Variants in CDIN1 observed in about 807,000 individuals in gnomAD.
The protein encoded by CDIN1 is CDAN1 interacting nuclease 1, also known as CDAN1-interacting nuclease 1.
A neutral mutation model predicts 45.3 loss-of-function variants in CDIN1; 33 were observed. The observed-to-expected ratio is 0.73, with a 90% CI of 0.55 to 0.97. The LOEUF (loss-of-function observed/expected upper bound fraction) is 0.97. CDIN1 is among the 50% of genes least tolerant of loss of function. The probability of loss-of-function intolerance (pLI) is 0.00; values close to 1 mark genes in which losing one functional copy is unlikely to be tolerated. For missense variants in CDIN1, 303 were observed against 339.4 expected (o/e 0.89, Z 0.84); for synonymous variants, 118 against 124.4 (o/e 0.95, Z 0.34).
intron 10 of CDIN1, among the ~76,000 whole-genome samples, chr15:36,770,888 G>A (rs1028889880): frequency 6.6e-6 from 1 of 152,206 alleles, no homozygotes; most frequent in Non-Finnish European, 1.5e-5. Context: ...TAAAAATGCT[G>A]CTGCCCAGCG....
chr15:36,671,034 CTG>C lies in CDIN1; in HGVS notation c.346+13133_346+13134del, dbSNP rs553803813. ...TTAATAGTATCCAGCAGCATTTCCT[CTG>C]TGTTTTTGTTTGTCTCTAGTTGTAT... On this transcript the variant is annotated intron_variant, in intron 5 of 10. Coordinates refer to ENST00000566621, the MANE Select transcript of CDIN1 (RefSeq NM_001321759.2). 5.7e-4 allele frequency among the ~76,000 whole-genome samples: 87 copies of C among 152,234 alleles called. 1 individual carries two copies. The highest frequency in any genetic ancestry group is 1.9e-3 in the African/African-American group (78 of 41,552).
intron 1 of CDIN1, among the ~76,000 whole-genome samples, chr15:36,586,192 G>T (rs923503566): frequency 2.1e-5 from 3 of 140,244 alleles, no homozygotes; most frequent in East Asian, 2.1e-4. Flanking sequence ...TTACCTTTGA[G>T]TTTTTTTTTT....
intron 7 of CDIN1, among the ~76,000 whole-genome samples, chr15:36,695,652 G>A (rs965147828): frequency 7.9e-5 from 12 of 152,114 alleles, no homozygotes; most frequent in Non-Finnish European, 1.2e-4. Context: ...TTTGAGACCA[G>A]CGTGGCCTAC....
chr15:36,757,838 T>C (rs1805612837), intron 10 of CDIN1, among the ~76,000 whole-genome samples: 2 of 152,140 alleles, frequency 1.3e-5, no homozygotes, highest in African/African-American at 4.8e-5. Context: ...CATCTCATCA[T>C]GTGGACATTT....
intron 10 of CDIN1, among the ~76,000 whole-genome samples, chr15:36,728,491 G>A (rs2043720975): frequency 1.3e-5 from 2 of 151,634 alleles, no homozygotes; most frequent in Non-Finnish European, 1.5e-5. Context: ...TTCATCAGAG[G>A]AATGGGAGGA....
At chr15:36,783,211 C>T (rs576594451) in intron 10 of CDIN1, among the ~76,000 whole-genome samples, 61 of 152,270 alleles carry the variant, frequency 4.0e-4, no homozygotes, top group Middle Eastern at 3.4e-3. Context: ...GTGCACTTTT[C>T]TTGCTAGAAA....
At chr15:36,747,068 G>C (rs916526224) in intron 10 of CDIN1, 5 of 393,702 alleles carry the variant, frequency 1.3e-5, no homozygotes, top group Non-Finnish European at 2.2e-5. Context: ...TATGAAATGT[G>C]TTTGTAAATA....
rs2055338667 is a variant in CDIN1, at chr15:36,809,697, G to A, written c.*1244G>A. 1 of 152,062 alleles carries A rather than the reference G, an allele frequency of 6.6e-6. No homozygotes were observed. The highest frequency in any genetic ancestry group is 1.9e-4 in the East Asian group (1 of 5,192). The allele number at this position is 152,062 out of a possible 1,614,324, so 9.4% of individuals were successfully genotyped here. Reference sequence around the variant, plus strand: ...TTATAATGTTGAATAGATGATATGGGAAATACTAATAACAACAATGTAATT... The same window carrying A: ...TTATAATGTTGAATAGATGATATGGAAAATACTAATAACAACAATGTAATT... On this transcript the variant is annotated 3_prime_UTR_variant, in exon 11 of 11. Coordinates refer to ENST00000566621, the MANE Select transcript of CDIN1 (RefSeq NM_001321759.2).
chr15:36,670,689 C>T (rs2041417656), intron 5 of CDIN1, among the ~76,000 whole-genome samples: 1 of 152,110 alleles, frequency 6.6e-6, no homozygotes, highest in Admixed American at 6.5e-5. Flanking sequence ...GTAAGAATTT[C>T]CTATAGCCTT....
intron 10 of CDIN1, among the ~76,000 whole-genome samples, chr15:36,794,205 C>T (rs59702636): frequency 9.9e-4 from 150 of 151,438 alleles, no homozygotes; most frequent in African/African-American, 3.6e-3. Flanking sequence ...ACTACAGGCG[C>T]CCGCCACCAC....
At chr15:36,781,224 G>A (rs979760181) in intron 10 of CDIN1, among the ~76,000 whole-genome samples, 4 of 152,232 alleles carry the variant, frequency 2.6e-5, no homozygotes, top group Middle Eastern at 3.4e-3. Flanking sequence ...CTTTTTGAGA[G>A]GGCAGCTATG....
rs1036168074 is a variant in CDIN1, at chr15:36,701,976, G to A, written c.544+4586G>A. The A allele has an allele frequency of 2.0e-5, 14 of 697,000 alleles. No individual in the cohort carries two copies. The African/African-American group carries it at 2.3e-4, about 11-fold the overall frequency. 43.2% of individuals were successfully genotyped at this position (697,000 alleles called of 1,614,324 possible). On this transcript the variant is annotated intron_variant, in intron 8 of 10. Transcript: ENST00000566621. Reference sequence around the variant, plus strand: ...CCTGAAGCAATAATACTCTGCTGGGGAGGTGATTATGATGTGACAAACAGG... The same window carrying A: ...CCTGAAGCAATAATACTCTGCTGGGAAGGTGATTATGATGTGACAAACAGG...
intron 10 of CDIN1, among the ~76,000 whole-genome samples, chr15:36,718,268 C>T (rs1008832099): frequency 2.0e-5 from 3 of 152,066 alleles, no homozygotes; most frequent in Admixed American, 1.3e-4. Flanking sequence ...ATTACTGTAA[C>T]ATTATAATTT....
intron 1 of CDIN1, among the ~76,000 whole-genome samples, chr15:36,621,477 G>A (rs1187840393): frequency 6.6e-6 from 1 of 152,086 alleles, no homozygotes; most frequent in Non-Finnish European, 1.5e-5. Context: ...TACTCAGTTT[G>A]AAACTATTCA....
intron 10 of CDIN1, among the ~76,000 whole-genome samples, chr15:36,783,680 G>A (rs903718197): frequency 1.3e-5 from 2 of 152,128 alleles, no homozygotes; most frequent in Non-Finnish European, 2.9e-5. Context: ...CACGGGAAAC[G>A]TAAGTTGGAA....
At chr15:36,613,239 T>G (rs890211820) in intron 1 of CDIN1, among the ~76,000 whole-genome samples, 13 of 152,172 alleles carry the variant, frequency 8.5e-5, no homozygotes, top group Non-Finnish European at 1.8e-4. Context: ...GTGTGTTTGG[T>G]ATGCGGGTGT....
At chr15:36,663,154 C>T (rs1444773556) in intron 5 of CDIN1, among the ~76,000 whole-genome samples, 1 of 152,048 alleles carries the variant, frequency 6.6e-6, no homozygotes, top group Non-Finnish European at 1.5e-5. Context: ...AGACAGAGAA[C>T]TCTATGAACA....
chr15:36,762,996 G>A (rs1234548789), intron 10 of CDIN1, among the ~76,000 whole-genome samples: 4 of 152,056 alleles, frequency 2.6e-5, no homozygotes, highest in Non-Finnish European at 5.9e-5. Context: ...ATAATCCTTT[G>A]GGTATATACC....
intron 10 of CDIN1, among the ~76,000 whole-genome samples, chr15:36,752,058 T>G (rs1263818346): frequency 6.6e-6 from 1 of 152,088 alleles, no homozygotes; most frequent in Non-Finnish European, 1.5e-5. Context: ...GCTTAATACT[T>G]AGGTGATTGG....
Sources: allele counts gnomAD v4.1 joint callset (sites outside exome capture counted in the v4.1 genomes callset), GRCh38; gene constraint gnomAD v4.1.1; transcripts MANE v1.5; gene names NCBI Gene and HGNC (gene_info 2026-07-23, HGNC 2026-07-21).